The following OGDHL variants were observed in gnomAD, a reference collection of about 807,000 sequenced individuals.
OGDHL encodes oxoglutarate dehydrogenase L, also known as 2-oxoglutarate dehydrogenase-like, mitochondrial.
Under a neutral mutation model 109.6 loss-of-function variants are expected in OGDHL, and 79 were observed. The observed-to-expected ratio is 0.72, with a 90% CI of 0.60 to 0.87. The LOEUF is 0.87. Ranked by LOEUF, OGDHL falls within the 40% of genes least tolerant of loss-of-function variation. OGDHL has a pLI of 0.00. For synonymous variants in OGDHL, 528 were observed against 537.2 expected, an observed-to-expected ratio of 0.98 and a Z score of 0.24; for missense variants, 1,275 against 1,362.2, an observed-to-expected ratio of 0.94 and a Z score of 1.01.
intron 2 of OGDHL, among the ~76,000 whole-genome samples, chr10:49,757,710 AAGATCTTGG>A (rs1368220623): frequency 2.0e-5 from 3 of 152,238 alleles, no homozygotes; most frequent in African/African-American, 7.2e-5. Flanking sequence ...CTGATATGGA[AAGATCTTGG>A]AGATACATCA....
intron 22 of OGDHL, 66 bp downstream of exon 22, chr10:49,735,957 G>A (rs1335245750): frequency 6.0e-6 from 9 of 1,494,608 alleles, no homozygotes; most frequent in Non-Finnish European, 8.0e-6. Context: ...TGGCCTATGG[G>A]ACAGATGGAG....
rs148307090 is a variant in OGDHL, at chr10:49,745,934, T to C, written c.1340A>G (p.Tyr447Cys). The C allele has an allele frequency of 2.3e-4, 375 of 1,614,108 alleles. No homozygotes were observed. The highest frequency in any genetic ancestry group is 3.0e-4 in the Non-Finnish European group (350 of 1,180,016). ...TDPRMARSSPYPTDVARVVNA... is the reference protein window; with the variant it reads ...TDPRMARSSPCPTDVARVVNA... Reference sequence around the variant, plus strand: ...GACCACCCGGGCCACGTCGGTCGGGTATGGTGAGGAGCGGGCCATTCGGGG... The same window carrying C: ...GACCACCCGGGCCACGTCGGTCGGGCATGGTGAGGAGCGGGCCATTCGGGG... Residue 447 changes from tyrosine to cysteine, a missense_variant, in exon 11 of 23, where the codon TAC becomes TGC. Physicochemically the swap from Tyr to Cys is radical, Grantham distance 194. Coordinates refer to ENST00000374103, the MANE Select transcript of OGDHL (RefSeq NM_018245.3).
intron 3 of OGDHL, among the ~76,000 whole-genome samples, chr10:49,755,105 G>A (rs1391881128): frequency 5.3e-5 from 8 of 152,146 alleles, no homozygotes; most frequent in African/African-American, 7.2e-5. Context: ...TCAGCCAGGC[G>A]TGGTGGCAAG....
In OGDHL at chr10:49,753,210, C is replaced by T. The variant is rs541920966; in HGVS notation, c.376-470G>A. ...AGCAAAGTATGTATGGTGAACTACA[C>T]ATTATCTAATAAAAAGGAGACACAA... is the stretch of plus-strand genomic sequence containing the variant. On this transcript the variant is annotated intron_variant, in intron 3 of 22. Transcript: ENST00000374103. 3.3e-5 allele frequency among the ~76,000 whole-genome samples: 5 copies of T among 152,234 alleles called. No individual in the cohort carries two copies. In the East Asian group the frequency reaches 5.8e-4, roughly 18 times the overall value.
chr10:49,735,214 G>A lies in OGDHL; in HGVS notation c.*14C>T, dbSNP rs746391739. 1.9e-6 allele frequency: 3 copies of A among 1,610,296 alleles called. No individual in the cohort carries two copies. The Admixed American group carries it at 5.0e-5, about 27-fold the overall frequency. Reference sequence around the variant, plus strand: ...GCAAACCCACAGCGAGACCTACACAGGTTTTGCCCAGCTCTAAAATGTCTT... The same window carrying A: ...GCAAACCCACAGCGAGACCTACACAAGTTTTGCCCAGCTCTAAAATGTCTT... On this transcript the variant is annotated 3_prime_UTR_variant, in exon 23 of 23. Coordinates refer to ENST00000374103, the MANE Select transcript of OGDHL (RefSeq NM_018245.3).
At chr10:49,740,566 C>T (rs1482781343) in intron 16 of OGDHL, 144 bp downstream of exon 16, 1 of 1,033,750 alleles carries the variant, frequency 9.7e-7, no homozygotes, top group Non-Finnish European at 1.3e-6. Flanking sequence ...GAGGGCAGCC[C>T]AATCACCATC....
chr10:49,745,386 G>C lies in OGDHL; in HGVS notation c.1587C>G (p.Asp529Glu). 1 of 1,614,098 alleles carries C rather than the reference G, an allele frequency of 6.2e-7. No individual in the cohort carries two copies. Among genetic ancestry groups the C allele is most frequent in the Non-Finnish European group, 8.5e-7 (1 of 1,180,038 alleles). The stretch of plus-strand genomic sequence containing the variant: ...TGACTGTGCCCTCGGCAATCAGCTT[G>C]TCTGCGTACTTCTTCAGCACAGGCA... ...RQVPVLKKYA[D>E]KLIAEGTVTL... Residue 529 changes from aspartate to glutamate, a missense_variant, in exon 12 of 23, where the codon GAC (aspartate) becomes GAG (glutamate). Physicochemically the swap from Asp to Glu is conservative, Grantham distance 45. Coordinates refer to ENST00000374103, the MANE Select transcript of OGDHL (RefSeq NM_018245.3).
In OGDHL at chr10:49,750,904, G is replaced by A. The variant is rs761525458; in HGVS notation, c.831C>T (p.Leu277=). The change falls in exon 7 of 23, where the codon CTC becomes CTT. Residue 277 remains leucine, a synonymous_variant. Transcript: ENST00000374103. ...LEGCEVMIPA[L]KTIIDKSSEM... is the part of the protein sequence containing the mutation. ...CGCTGGATTTGTCGATGATGGTCTT[G>A]AGGGCAGGAATCATCACTTCACAGC... is the stretch of plus-strand genomic sequence containing the variant. The A allele has an allele frequency of 6.2e-7, 1 of 1,612,700 alleles. No individual in the cohort carries two copies. Among genetic ancestry groups the A allele is most frequent in the South Asian group, 1.1e-5 (1 of 90,638 alleles).
At position 49,735,226 on chromosome 10, in the gene OGDHL, C is replaced by A; in HGVS notation, c.*2G>T. The A allele has an allele frequency of 6.2e-7, 1 of 1,612,766 alleles. No individual in the cohort carries two copies. Among genetic ancestry groups the A allele is most frequent in the Non-Finnish European group, 8.5e-7 (1 of 1,179,312 alleles). On this transcript the variant is annotated 3_prime_UTR_variant, in exon 23 of 23. Transcript: ENST00000374103. The stretch of plus-strand genomic sequence containing the variant: ...CGAGACCTACACAGGTTTTGCCCAG[C>A]TCTAAAATGTCTTGCCCTCAAAGGC...
intron 20 of OGDHL, 91 bp downstream of exon 20, chr10:49,737,695 G>A (rs1841300514): frequency 4.3e-6 from 6 of 1,380,070 alleles, no homozygotes; most frequent in Non-Finnish European, 6.1e-6. Flanking sequence ...CACAGGCAGA[G>A]GGGAGGTTGG....
At chr10:49,742,679 G>A (rs1421361878) in intron 15 of OGDHL, 149 bp downstream of exon 15, 12 of 1,023,318 alleles carry the variant, frequency 1.2e-5, no homozygotes, top group Admixed American at 5.5e-5. Flanking sequence ...GGGGGTCAGC[G>A]AGGTGGCCAT....
At chr10:49,745,650 C>T in intron 11 of OGDHL, 148 bp downstream of exon 11, 1 of 1,297,230 alleles carries the variant, frequency 7.7e-7, no homozygotes, top group Non-Finnish European at 1.1e-6. Flanking sequence ...CCGTCCCAGG[C>T]CTTTGCACAG....
rs1841053187 is a variant in OGDHL, at chr10:49,735,194, C to G, written c.*34G>C. 1 of 1,581,620 alleles carries G rather than the reference C, an allele frequency of 6.3e-7. No homozygotes were observed. Among genetic ancestry groups the G allele is most frequent in the Admixed American group, 1.7e-5 (1 of 57,674 alleles). ...CATCACCCCCTTGGTCCCCAGCAAA[C>G]CCACAGCGAGACCTACACAGGTTTT... On this transcript the variant is annotated 3_prime_UTR_variant, in exon 23 of 23. Coordinates refer to ENST00000374103, the MANE Select transcript of OGDHL (RefSeq NM_018245.3).
intron 1 of OGDHL, among the ~76,000 whole-genome samples, chr10:49,759,912 G>T (rs1418827693): frequency 1.3e-5 from 2 of 152,220 alleles, no homozygotes; most frequent in East Asian, 3.9e-4. Context: ...CCCAGGCCAG[G>T]CCCTGAGCCA....
In OGDHL at chr10:49,736,023, C is replaced by T; in HGVS notation, c.2909G>A (p.Trp970Ter). The change falls in exon 22 of 23, where the codon TGG becomes TAG. Residue 970 changes from tryptophan (W) to a stop codon, truncating the protein, a stop_gained and splice_region_variant. Coordinates refer to ENST00000374103, the MANE Select transcript of OGDHL (RefSeq NM_018245.3). LOFTEE classifies it high-confidence loss of function. The stretch of plus-strand genomic sequence containing the variant: ...GGCAATCAGCGGCCCCACCATGTAC[C>T]ATATGGGCCGTGCGCGCCTCAGGAT... ...MTILRRARPI[W>*]YVGRDPAAAP... The T allele has an allele frequency of 6.3e-7, 1 of 1,576,212 alleles. No individual in the cohort carries two copies. Among genetic ancestry groups the T allele is most frequent in the Admixed American group, 1.8e-5 (1 of 55,500 alleles).
At position 49,736,416 on chromosome 10, in the gene OGDHL, C is replaced by T. The variant is rs1178110779; in HGVS notation, c.2695G>A (p.Val899Met). Residue 899 changes from valine to methionine, a missense_variant, in exon 21 of 23, where the codon GTG becomes ATG. Transcript: ENST00000374103. ...AGGTCCTGGCTGCTCCGCTCCTTCA[C>T]CAGGTCATAGTACACCTTTCCCGTG... is the stretch of plus-strand genomic sequence containing the variant. ...FCTGKVYYDL[V>M]KERSSQDLEE... 1 of 1,614,044 alleles carries T rather than the reference C, an allele frequency of 6.2e-7. No homozygotes were observed. Among genetic ancestry groups the T allele is most frequent in the African/African-American group, 1.3e-5 (1 of 74,938 alleles).
At chr10:49,752,053 A>G (rs1842636220) in intron 5 of OGDHL, 72 bp from the exon 6 acceptor site, 2 of 1,610,190 alleles carry the variant, frequency 1.2e-6, no homozygotes, top group African/African-American at 2.7e-5. Context: ...GTCTAGAACA[A>G]AAAAGACAGT....
chr10:49,751,225 C>T (rs1194376194), intron 6 of OGDHL, among the ~76,000 whole-genome samples: 3 of 152,144 alleles, frequency 2.0e-5, no homozygotes, highest in Non-Finnish European at 4.4e-5. Flanking sequence ...CCTCTGCCTA[C>T]ACCCCTTCCC....
At chr10:49,735,835 T>G (rs1841117707) in intron 22 of OGDHL, among the ~76,000 whole-genome samples, 188 bp downstream of exon 22, 1 of 152,202 alleles carries the variant, frequency 6.6e-6, no homozygotes, top group African/African-American at 2.4e-5. Flanking sequence ...TTTTGAGACA[T>G]GTAGCAGGTT....
Sources: gnomAD v4.1 joint callset for allele counts (sites outside exome capture counted in the v4.1 genomes callset) on GRCh38, gnomAD v4.1.1 for gene constraint, MANE v1.5 for transcripts, NCBI Gene and HGNC (gene_info 2026-07-23, HGNC 2026-07-21) for gene names.